The following GRID2 variants were observed in gnomAD, a reference collection of about 807,000 sequenced individuals.
GRID2 encodes glutamate receptor ionotropic, delta-2.
Under a neutral mutation model 114.8 loss-of-function variants are expected in GRID2, and 33 were observed. The ratio of observed to expected loss-of-function variants is 0.29; its 90% CI spans 0.22 to 0.38. GRID2 has a LOEUF of 0.38. Among genes scored for constraint, GRID2 ranks in the 10% least tolerant of loss-of-function variants. GRID2 has a pLI of 1.00. For synonymous variants in GRID2, 505 were observed against 449.9 expected (o/e 1.12, Z -1.55); for missense variants, 1,184 against 1,257.7 (o/e 0.94, Z 0.89).
At chr4:93,486,657 T>A (rs1726436732) in intron 11 of GRID2, among the ~76,000 whole-genome samples, 1 of 151,848 alleles carries the variant, frequency 6.6e-6, no homozygotes, top group East Asian at 1.9e-4. Flanking sequence ...CGAATTACAA[T>A]GATTGATTTT....
chr4:93,614,705 C>T (rs1178239939), intron 13 of GRID2, among the ~76,000 whole-genome samples: 1 of 151,842 alleles, frequency 6.6e-6, no homozygotes, highest in African/African-American at 2.4e-5. Flanking sequence ...GGTTTTTTTT[C>T]TGTCCTCTGA....
At chr4:92,870,719 T>C (rs556386528) in intron 2 of GRID2, among the ~76,000 whole-genome samples, 46 of 152,254 alleles carry the variant, frequency 3.0e-4, no homozygotes, top group African/African-American at 1.0e-3. Flanking sequence ...AATTGTTGTA[T>C]GCATTACATG....
intron 2 of GRID2, among the ~76,000 whole-genome samples, chr4:92,673,587 C>G (rs991730120): frequency 6.6e-6 from 1 of 152,046 alleles, no homozygotes. Context: ...TAGGTGAAAC[C>G]ACTTTTATTT....
intron 2 of GRID2, among the ~76,000 whole-genome samples, chr4:92,881,061 C>T (rs1003959445): frequency 1.3e-5 from 2 of 152,106 alleles, no homozygotes; most frequent in East Asian, 1.9e-4. Flanking sequence ...AGCCACCATG[C>T]CCCGCTAATT....
intron 13 of GRID2, among the ~76,000 whole-genome samples, chr4:93,611,403 T>C (rs1249911731): frequency 1.5e-4 from 14 of 96,114 alleles, no homozygotes; most frequent in East Asian, 8.3e-4. Flanking sequence ...TTAATTGTGA[T>C]GTTAGGGTGT....
At chr4:92,953,496 A>C (rs932641110) in intron 2 of GRID2, among the ~76,000 whole-genome samples, 17 of 152,176 alleles carry the variant, frequency 1.1e-4, no homozygotes, top group African/African-American at 4.1e-4. Flanking sequence ...TCTGTGTCAC[A>C]ATCAATTTGG....
At chr4:93,025,493 C>T (rs1482096096) in intron 2 of GRID2, among the ~76,000 whole-genome samples, 1 of 151,642 alleles carries the variant, frequency 6.6e-6, no homozygotes, top group Non-Finnish European at 1.5e-5. Flanking sequence ...AAATCAGGTC[C>T]TCTAGTTGTC....
chr4:93,466,070 A>T (rs559598899), intron 11 of GRID2, among the ~76,000 whole-genome samples: 12 of 152,130 alleles, frequency 7.9e-5, no homozygotes, highest in Non-Finnish European at 1.8e-4. Flanking sequence ...TCCTATAAAA[A>T]CAGTACACTT....
chr4:93,496,438 A>T (rs1031665312), intron 12 of GRID2, among the ~76,000 whole-genome samples: 1 of 151,748 alleles, frequency 6.6e-6, no homozygotes, highest in Non-Finnish European at 1.5e-5. Flanking sequence ...ATTATTACAT[A>T]TGTAGACTCC....
At chr4:93,521,649 G>A (rs2149499131) in intron 13 of GRID2, among the ~76,000 whole-genome samples, 1 of 152,038 alleles carries the variant, frequency 6.6e-6, no homozygotes, top group Admixed American at 6.6e-5. Context: ...AAGAAAAGAA[G>A]TAAAAGAGAG....
At chr4:93,443,527 G>T (rs184681075) in intron 10 of GRID2, among the ~76,000 whole-genome samples, 108 of 151,934 alleles carry the variant, frequency 7.1e-4, no homozygotes, top group Middle Eastern at 3.2e-3. Flanking sequence ...TATTATAGGG[G>T]ACATGGCCAA....
intron 14 of GRID2, among the ~76,000 whole-genome samples, chr4:93,698,193 C>T (rs1026717230): frequency 6.6e-6 from 1 of 151,878 alleles, no homozygotes; most frequent in Non-Finnish European, 1.5e-5. Context: ...TTATAGAAAT[C>T]GCTGTGAATT....
At chr4:93,608,311 A>AT (rs1186818508) in intron 13 of GRID2, among the ~76,000 whole-genome samples, 43 of 116,164 alleles carry the variant, frequency 3.7e-4, no homozygotes, top group South Asian at 5.3e-4. Context: ...TTTTTTTTTA[A>AT]TTTTTTTTTT....
intron 2 of GRID2, among the ~76,000 whole-genome samples, chr4:93,075,929 A>G (rs1729243483): frequency 7.6e-5 from 7 of 91,680 alleles, no homozygotes; most frequent in South Asian, 4.0e-4. Flanking sequence ...TTTGAGATGG[A>G]GTCTCGCTCT....
intron 14 of GRID2, among the ~76,000 whole-genome samples, chr4:93,676,314 T>A (rs549143745): frequency 2.1e-3 from 321 of 152,316 alleles, no homozygotes; most frequent in African/African-American, 6.7e-3. Context: ...TGTGAAAAAA[T>A]TTATTAGCTT....
At chr4:92,533,182 G>GTTTTTTTTTTTTTTT (rs1331638804) in intron 1 of GRID2, among the ~76,000 whole-genome samples, 1 of 145,178 alleles carries the variant, frequency 6.9e-6, no homozygotes. Context: ...CAACTTTGGT[G>GTTTTTTTTTTTTTTT]TGTTTTTTTG....
At chr4:92,702,336 C>T (rs1734716961) in intron 2 of GRID2, 1 of 152,148 alleles carries the variant, frequency 6.6e-6, no homozygotes, top group African/African-American at 2.4e-5. Flanking sequence ...AATGAATCTT[C>T]TTAACAACAT....
At chr4:92,397,040 G>T (rs914167354) in intron 1 of GRID2, among the ~76,000 whole-genome samples, 1 of 151,412 alleles carries the variant, frequency 6.6e-6, no homozygotes, top group Non-Finnish European at 1.5e-5. Context: ...AAGTATTTTA[G>T]TTTTTTTTCA....
At chr4:92,444,328 G>A (rs1733317387) in intron 1 of GRID2, among the ~76,000 whole-genome samples, 1 of 152,028 alleles carries the variant, frequency 6.6e-6, no homozygotes, top group Non-Finnish European at 1.5e-5. Flanking sequence ...TAAGGGTGGG[G>A]CCGTTTTATA....
Sources: gnomAD v4.1 joint callset for allele counts (sites outside exome capture counted in the v4.1 genomes callset) on GRCh38, gnomAD v4.1.1 for gene constraint, MANE v1.5 for transcripts, NCBI Gene and HGNC (gene_info 2026-07-23, HGNC 2026-07-21) for gene names.